Variants in ZNF653 observed in about 807,000 individuals in gnomAD.
The protein encoded by ZNF653 is 67 kDa zinc finger protein.
In ZNF653, 37 loss-of-function variants were observed where a neutral mutation model predicts 59.9. That is an observed-to-expected ratio of 0.62 (90% CI 0.48 to 0.81). The LOEUF (loss-of-function observed/expected upper bound fraction) is 0.81, where lower values mean the gene tolerates loss of function less well. Ranked by LOEUF, ZNF653 falls within the 40% of genes least tolerant of loss-of-function variation. The pLI is 0.00. For missense variants in ZNF653, 808 were observed against 881.1 expected, an observed-to-expected ratio of 0.92 and a Z score of 1.05; for synonymous variants, 435 against 371.8, an observed-to-expected ratio of 1.17 and a Z score of -1.96.
chr19:11,487,391 T>G lies in ZNF653; in HGVS notation c.1072A>C (p.Met358Leu). 6.2e-7 allele frequency: 1 copy of G among 1,612,674 alleles called. No homozygotes were observed. Among genetic ancestry groups the G allele is most frequent in the Admixed American group, 1.7e-5 (1 of 60,032 alleles). ...GTGTAGGCTGCCACACCCTCCATCA[T>G]GGCACAGGGCACCTCCTCGCCCAGT... ...SGLGEEVPCAMMEGVAAYTQT... is the reference protein window; with the variant it reads ...SGLGEEVPCALMEGVAAYTQT... Residue 358 changes from methionine to leucine, a missense_variant, in exon 4 of 9, where the codon ATG becomes CTG. By Grantham distance (15) the Met-to-Leu change is conservative (BLOSUM62 2). Transcript: ENST00000293771. This position sits in a 1 kb window ranked among gnomAD's most constrained non-coding sequence, Gnocchi z 5.1.
rs1454989554 is a variant in ZNF653, at chr19:11,489,271, C to A, written c.560-1368G>T. 2.0e-5 allele frequency among the ~76,000 whole-genome samples: 3 copies of A among 152,118 alleles called. No homozygotes were observed. The East Asian group carries it at 5.8e-4, about 29-fold the overall frequency. On this transcript the variant is annotated intron_variant, in intron 3 of 8. Transcript: ENST00000293771. The stretch of plus-strand genomic sequence containing the variant: ...CTGGAGTGCAGTGGTGCGATCCGGG[C>A]TCACTGCAACCTCTACCTCCCAGGT...
chr19:11,505,553 C>A lies in ZNF653; in HGVS notation c.234G>T (p.Trp78Cys). Residue 78 changes from tryptophan (W) to cysteine (C), a missense_variant, in exon 1 of 9, where the codon TGG becomes TGT. By Grantham distance (215) the Trp-to-Cys change is radical (BLOSUM62 -2). Coordinates refer to ENST00000293771, the MANE Select transcript of ZNF653 (RefSeq NM_138783.4). ...GGTAGGCGGCGAGCTTGGCGTCGCT[C>A]CAGCCGCTGCGGCGCCGCAGGTCCA... ...PWVDLRRRSG[W>C]SDAKLAAYLI... 6.6e-7 allele frequency: 1 copy of A among 1,514,222 alleles called. No homozygotes were observed. The highest frequency in any genetic ancestry group is 1.2e-5 in the South Asian group (1 of 81,082). The allele number at this position is 1,514,222 out of a possible 1,614,324, so 93.8% of individuals were successfully genotyped here.
At chr19:11,498,564 C>T (rs535496918) in intron 1 of ZNF653, among the ~76,000 whole-genome samples, 1 of 152,196 alleles carries the variant, frequency 6.6e-6, no homozygotes, top group South Asian at 2.1e-4. Flanking sequence ...CTGCCTCAGC[C>T]TCTCAAGTAG....
rs538954215 is a variant in ZNF653, at chr19:11,495,086, C to T, written c.559+864G>A. 2.1e-4 allele frequency among the ~76,000 whole-genome samples: 32 copies of T among 152,296 alleles called. No homozygotes were observed. The highest frequency in any genetic ancestry group is 7.2e-4 in the African/African-American group (30 of 41,570). Reference sequence around the variant, plus strand: ...CGGCCAGCTGGGATGCCACCTGCTCCGAGATGCCAGCCAGCGCAGGCTCAG... The same window carrying T: ...CGGCCAGCTGGGATGCCACCTGCTCTGAGATGCCAGCCAGCGCAGGCTCAG... On this transcript the variant is annotated intron_variant, in intron 3 of 8. Coordinates refer to ENST00000293771, the MANE Select transcript of ZNF653 (RefSeq NM_138783.4). This position sits in a 1 kb window ranked among gnomAD's most constrained non-coding sequence, Gnocchi z 4.9.
At chr19:11,485,071 A>C (rs1002021103) in intron 7 of ZNF653, among the ~76,000 whole-genome samples, 13 of 149,438 alleles carry the variant, frequency 8.7e-5, no homozygotes, top group Admixed American at 7.3e-4. Context: ...ATTAAAAAAA[A>C]CCAAAAAAAA....
intron 1 of ZNF653, 135 bp from the exon 2 acceptor site, chr19:11,498,474 C>T: frequency 1.6e-6 from 2 of 1,223,284 alleles, no homozygotes; most frequent in Non-Finnish European, 2.4e-6. Flanking sequence ...GATGGAGTCT[C>T]ACTGTGTTGC....
intron 2 of ZNF653, among the ~76,000 whole-genome samples, chr19:11,497,038 C>G (rs1971595923): frequency 2.0e-5 from 3 of 152,194 alleles, no homozygotes; most frequent in Admixed American, 2.0e-4. Context: ...CAGGCTGTGC[C>G]TGCTTCCTCT....
rs777212844 is a variant in ZNF653, at chr19:11,484,159, C to T, written c.1571-18G>A. 4.5e-6 allele frequency: 7 copies of T among 1,546,270 alleles called. No individual in the cohort carries two copies. Among genetic ancestry groups the T allele is most frequent in the African/African-American group, 4.1e-5 (3 of 72,896 alleles). Reference sequence around the variant, plus strand: ...ACGGACACCTGGGGGCGGTGGGGACCGAGGCTGAGGACGGTGGGCTATGGG... The same window carrying T: ...ACGGACACCTGGGGGCGGTGGGGACTGAGGCTGAGGACGGTGGGCTATGGG... On this transcript the variant is annotated intron_variant, in intron 7 of 8. Transcript: ENST00000293771.
intron 7 of ZNF653, among the ~76,000 whole-genome samples, chr19:11,484,458 A>G (rs1435303986): frequency 1.3e-5 from 2 of 151,940 alleles, no homozygotes; most frequent in Non-Finnish European, 1.5e-5. Flanking sequence ...CTGGAGTGCA[A>G]TGGCCCGATC....
At chr19:11,494,904 C>T (rs551566770) in intron 3 of ZNF653, among the ~76,000 whole-genome samples, 1 of 152,260 alleles carries the variant, frequency 6.6e-6, no homozygotes, top group Non-Finnish European at 1.5e-5. Context: ...GAGTGGCACA[C>T]AGTGAGGGGG....
intron 3 of ZNF653, among the ~76,000 whole-genome samples, chr19:11,491,026 T>A (rs1353872712): frequency 6.6e-6 from 1 of 152,122 alleles, no homozygotes; most frequent in Non-Finnish European, 1.5e-5. Flanking sequence ...CCAAAATACA[T>A]CCACCCGCAG....
rs1437915822 is a variant in ZNF653 at position 11,483,589 on chromosome 19, TCCGGGCGGC to T, written c.*84_*92del. 4.8e-6 allele frequency: 7 copies of T among 1,469,498 alleles called. No homozygotes were observed. In the African/African-American group the frequency reaches 1.0e-4, roughly 21 times the overall value. 91.0% of individuals were successfully genotyped at this position (1,469,498 alleles called of 1,614,324 possible). On this transcript the variant is annotated 3_prime_UTR_variant, in exon 9 of 9. Transcript: ENST00000293771. ...GGGGGCGCCTCCTTCCGGCCCGCGG[TCCGGGCGGC>T]CCTCGCAGCTGTCCAGGCCCCGGCA...
chr19:11,486,891 A>AG lies in ZNF653; in HGVS notation c.1344-12dup. 2 of 1,610,796 alleles carry AG rather than the reference A, an allele frequency of 1.2e-6. No individual in the cohort carries two copies. Among genetic ancestry groups the AG allele is most frequent in the Non-Finnish European group, 1.7e-6 (2 of 1,178,520 alleles). ...TTGCTCCGCCGCCTCCTGGAGGGGA[A>AG]GGGGCCATGACATCGGGGCTCCCGC... On this transcript the variant is annotated splice_polypyrimidine_tract_variant and intron_variant, in intron 5 of 8. Coordinates refer to ENST00000293771, the MANE Select transcript of ZNF653 (RefSeq NM_138783.4).
Position 11,483,616 on chromosome 19 carries a change from C to A in ZNF653, c.*66G>T. The A allele has an allele frequency of 1.3e-6, 2 of 1,562,590 alleles. No individual in the cohort carries two copies. Among genetic ancestry groups the A allele is most frequent in the Non-Finnish European group, 8.7e-7 (1 of 1,148,184 alleles). ...CGGGCGGCCCTCGCAGCTGTCCAGG[C>A]CCCGGCAAGCCCGGGCGTGGTGTCC... On this transcript the variant is annotated 3_prime_UTR_variant, in exon 9 of 9. Transcript: ENST00000293771.
intron 3 of ZNF653, among the ~76,000 whole-genome samples, chr19:11,490,057 C>G (rs10414243): frequency 0.013 from 1,932 of 152,320 alleles, 38 homozygotes; most frequent in African/African-American, 0.044. Context: ...ACAAGACCGC[C>G]GGACTTCAGA....
Position 11,487,654 on chromosome 19 carries a change from G to A in ZNF653, c.809C>T (p.Pro270Leu), listed in dbSNP as rs1159095080. 1.2e-6 allele frequency: 2 copies of A among 1,613,904 alleles called. No individual in the cohort carries two copies. The change falls in exon 4 of 9, where the codon CCT becomes CTT. Residue 270 changes from proline to leucine, a missense_variant. By Grantham distance (98) the Pro-to-Leu change is moderately conservative (BLOSUM62 -3). Transcript: ENST00000293771. The surrounding 1 kb of genome is among the most constrained non-coding windows in gnomAD (Gnocchi z 5.1). ...GCACACCACTGTCTCCAGGGCTTCA[G>A]GCCCATTGCCTGCTGGGTTGGAGCA... is the stretch of plus-strand genomic sequence containing the variant. ...PLCSNPAGNG[P>L]EALETVVCVP...
At chr19:11,491,160 G>C (rs1265104227) in intron 3 of ZNF653, among the ~76,000 whole-genome samples, 1 of 152,206 alleles carries the variant, frequency 6.6e-6, no homozygotes, top group Non-Finnish European at 1.5e-5. Context: ...TACCTCCTGT[G>C]AAAGAAGCAG....
At chr19:11,499,491 G>A (rs1237761796) in intron 1 of ZNF653, among the ~76,000 whole-genome samples, 1 of 151,924 alleles carries the variant, frequency 6.6e-6, no homozygotes, top group Non-Finnish European at 1.5e-5. Flanking sequence ...CTGTCTGGGT[G>A]TGGTGTCTCA....
In ZNF653 at chr19:11,487,518, G is replaced by A. The variant is rs761533781; in HGVS notation, c.945C>T (p.Pro315=). ...CCGCAATGATGATCACCTGTGAGCC[G>A]GGCACCATGCCTGGCATGGGGCAGC... The part of the protein sequence containing the change: ...VASCPMPGMV[P]GSQVIIIAGP... Residue 315 remains proline, a synonymous_variant, in exon 4 of 9, where the codon CCC becomes CCT. Transcript: ENST00000293771. The surrounding 1 kb of genome is among the most constrained non-coding windows in gnomAD (Gnocchi z 5.1). 1.8e-5 allele frequency: 29 copies of A among 1,613,734 alleles called. No homozygotes were observed. The highest frequency in any genetic ancestry group is 5.3e-5 in the African/African-American group (4 of 74,918).
Sources: gnomAD v4.1 joint callset for allele counts (sites outside exome capture counted in the v4.1 genomes callset) on GRCh38, gnomAD v4.1.1 for gene constraint, Gnocchi (gnomAD v3.1) non-coding constraint, MANE v1.5 for transcripts, NCBI Gene and HGNC (gene_info 2026-07-23, HGNC 2026-07-21) for gene names.